The following EPB41L2 variants were observed in gnomAD, a reference collection of about 807,000 sequenced individuals.
EPB41L2 encodes the protein band 4.1-like protein 2.
EPB41L2 carries 43 observed loss-of-function variants against 113.0 expected under a neutral mutation model. The observed-to-expected ratio is 0.38, with a 90% CI of 0.30 to 0.49. The LOEUF (loss-of-function observed/expected upper bound fraction) is 0.49. Among genes scored for constraint, EPB41L2 ranks in the 20% least tolerant of loss-of-function variants. The probability of loss-of-function intolerance (pLI) is 0.95; values close to 1 mark genes in which losing one functional copy is unlikely to be tolerated. For missense variants in EPB41L2, 1,147 were observed against 1,223.4 expected, an observed-to-expected ratio of 0.94 and a Z score of 0.93; for synonymous variants, 442 against 436.7, an observed-to-expected ratio of 1.01 and a Z score of -0.15.
intron 1 of EPB41L2, among the ~76,000 whole-genome samples, chr6:130,964,011 C>CTTTCT (rs1774310023): frequency 6.7e-6 from 1 of 149,932 alleles, no homozygotes; most frequent in Non-Finnish European, 1.5e-5. Flanking sequence ...AAGCTATATT[C>CTTTCT]TTTCTTTTCT....
chr6:131,007,728 T>C (rs1203891393), intron 1 of EPB41L2, among the ~76,000 whole-genome samples: 1 of 152,214 alleles, frequency 6.6e-6, no homozygotes, highest in African/African-American at 2.4e-5. Flanking sequence ...TTCTATGCTT[T>C]AGCAAAGAGA....
chr6:131,044,579 G>C (rs1795065287), intron 1 of EPB41L2, among the ~76,000 whole-genome samples: 1 of 151,892 alleles, frequency 6.6e-6, no homozygotes, highest in Non-Finnish European at 1.5e-5. Context: ...TCTTTAGCTT[G>C]GAAGATACCC....
At position 130,890,357 on chromosome 6, in the gene EPB41L2, C is replaced by T. The variant is rs374585249; in HGVS notation, c.1597G>A (p.Asp533Asn). ...AQTRQASTLI[D>N]RPAPHFERTS... Reference sequence around the variant, plus strand: ...CGCTCAAAGTGTGGTGCTGGCCTATCTATGAGGGTGCTGGCCTGGCGGGTC... The same window carrying T: ...CGCTCAAAGTGTGGTGCTGGCCTATTTATGAGGGTGCTGGCCTGGCGGGTC... Residue 533 changes from aspartate to asparagine, a missense_variant, in exon 11 of 20, where the codon GAT (aspartate) becomes AAT (asparagine). Coordinates refer to ENST00000337057, the MANE Select transcript of EPB41L2 (RefSeq NM_001431.4). The T allele has an allele frequency of 8.1e-6, 13 of 1,613,614 alleles. No homozygotes were observed. Among genetic ancestry groups the T allele is most frequent in the Non-Finnish European group, 9.3e-6 (11 of 1,179,906 alleles).
chr6:130,899,807 C>T (rs1245465388), intron 7 of EPB41L2, among the ~76,000 whole-genome samples: 1 of 152,080 alleles, frequency 6.6e-6, no homozygotes, highest in African/African-American at 2.4e-5. Context: ...TCCACTCTTA[C>T]CCATTTTATC....
intron 13 of EPB41L2, among the ~76,000 whole-genome samples, chr6:130,879,877 T>C (rs1788716740): frequency 6.6e-6 from 1 of 152,236 alleles, no homozygotes; most frequent in South Asian, 2.1e-4. Context: ...GTAGAACAAC[T>C]TCAAGAGTAC....
chr6:130,931,016 A>C (rs1444337101), intron 3 of EPB41L2, among the ~76,000 whole-genome samples: 1 of 152,150 alleles, frequency 6.6e-6, no homozygotes, highest in Non-Finnish European at 1.5e-5. Flanking sequence ...ATCTGAAAAA[A>C]ACTATCCAGA....
At chr6:130,978,961 A>G (rs907257997) in intron 1 of EPB41L2, among the ~76,000 whole-genome samples, 58 of 152,336 alleles carry the variant, frequency 3.8e-4, no homozygotes, top group Middle Eastern at 6.8e-3. Flanking sequence ...AGGACACAGA[A>G]TCATGAAAGA....
At position 130,858,131 on chromosome 6, in the gene EPB41L2, C is replaced by T; in HGVS notation, c.*5G>A. 1 of 1,611,640 alleles carries T rather than the reference C, an allele frequency of 6.2e-7. No homozygotes were observed. The highest frequency in any genetic ancestry group is 1.3e-5 in the African/African-American group (1 of 74,996). On this transcript the variant is annotated splice_region_variant and 3_prime_UTR_variant, in exon 19 of 20. Coordinates refer to ENST00000337057, the MANE Select transcript of EPB41L2 (RefSeq NM_001431.4). The stretch of plus-strand genomic sequence containing the variant: ...CCACAGACAATGAGGGCTCTCTTAC[C>T]TTACTTAATCTTCCCCTTCCTCAGC...
intron 3 of EPB41L2, among the ~76,000 whole-genome samples, chr6:130,949,438 A>G (rs1175229716): frequency 1.3e-5 from 2 of 152,178 alleles, no homozygotes; most frequent in African/African-American, 4.8e-5. Flanking sequence ...TCATCTCTAT[A>G]AAAGGAATTT....
intron 1 of EPB41L2, among the ~76,000 whole-genome samples, chr6:130,976,659 G>A (rs1026871020): frequency 4.6e-5 from 7 of 152,168 alleles, no homozygotes; most frequent in African/African-American, 7.2e-5. Flanking sequence ...AACCAAGGAA[G>A]CATCTAAAAA....
At chr6:130,931,124 G>C (rs1583576849) in intron 3 of EPB41L2, among the ~76,000 whole-genome samples, 3 of 152,220 alleles carry the variant, frequency 2.0e-5, no homozygotes, top group Middle Eastern at 6.8e-3. Flanking sequence ...CAGAGTCCTA[G>C]ATGGAGATGA....
At chr6:130,955,869 A>T (rs1281879366) in intron 2 of EPB41L2, 125 bp downstream of exon 2, 1 of 1,469,266 alleles carries the variant, frequency 6.8e-7, no homozygotes, top group African/African-American at 1.4e-5. Context: ...CCCATTCCGT[A>T]TACATTAAGC....
At chr6:130,915,062 G>C (rs1800521810) in intron 4 of EPB41L2, among the ~76,000 whole-genome samples, 1 of 151,958 alleles carries the variant, frequency 6.6e-6, no homozygotes, top group African/African-American at 2.4e-5. Flanking sequence ...CCAGCACTTT[G>C]GGAGGCCGAG....
intron 11 of EPB41L2, among the ~76,000 whole-genome samples, chr6:130,888,104 A>G (rs1403692400): frequency 6.6e-6 from 1 of 152,230 alleles, no homozygotes; most frequent in Non-Finnish European, 1.5e-5. Context: ...AGGAAAAAGA[A>G]AATACAATAC....
chr6:131,023,256 C>A (rs6569718), intron 1 of EPB41L2, among the ~76,000 whole-genome samples: 117,510 of 152,166 alleles, frequency 0.77, 45,600 homozygotes, highest in East Asian at 0.87. Context: ...CTACCCTAAA[C>A]GTTTATAAAG....
intron 1 of EPB41L2, among the ~76,000 whole-genome samples, chr6:131,046,753 C>T (rs553269357): frequency 3.3e-5 from 5 of 152,268 alleles, no homozygotes; most frequent in South Asian, 4.1e-4. Flanking sequence ...TTATCCTCTA[C>T]GTGCTTCCAT....
intron 3 of EPB41L2, among the ~76,000 whole-genome samples, chr6:130,937,801 G>A (rs1174787505): frequency 7.8e-5 from 11 of 140,506 alleles, no homozygotes; most frequent in African/African-American, 3.2e-4. Context: ...GGGTGACAGA[G>A]TGAGACTCCA....
chr6:131,012,529 T>C (rs1323631549), intron 1 of EPB41L2, among the ~76,000 whole-genome samples: 1 of 149,162 alleles, frequency 6.7e-6, no homozygotes, highest in African/African-American at 2.5e-5. Flanking sequence ...TTATTAACTA[T>C]ACAATGAAGA....
At chr6:130,848,023 G>C (rs1487408011) in intron 19 of EPB41L2, among the ~76,000 whole-genome samples, 2 of 151,730 alleles carry the variant, frequency 1.3e-5, no homozygotes, top group Non-Finnish European at 2.9e-5. Flanking sequence ...TCATCTTTTA[G>C]AAAAAAGGAA....
Sources: allele counts gnomAD v4.1 joint callset (sites outside exome capture counted in the v4.1 genomes callset), GRCh38; gene constraint gnomAD v4.1.1; transcripts MANE v1.5; gene names NCBI Gene and HGNC (gene_info 2026-07-23, HGNC 2026-07-21).